CNTN3: variants seen among roughly 807,000 people sequenced by gnomAD.
CNTN3 encodes the protein contactin 3, also known as contactin-3.
CNTN3 carries 60 observed loss-of-function variants against 119.1 expected under a neutral mutation model. The ratio of observed to expected loss-of-function variants is 0.50; its 90% CI spans 0.41 to 0.62. The LOEUF (loss-of-function observed/expected upper bound fraction) is 0.62, where lower values mean the gene tolerates loss of function less well. Ranked by LOEUF, CNTN3 falls within the 20% of genes least tolerant of loss-of-function variation. The pLI, the probability that CNTN3 is intolerant of heterozygous loss-of-function variation, is 0.00. For synonymous variants in CNTN3, 450 were observed against 438.7 expected (o/e 1.03, Z -0.32); for missense variants, 1,101 against 1,242.4 (o/e 0.89, Z 1.71).
chr3:74,502,624 T>C (rs903938553), intron 2 of CNTN3, among the ~76,000 whole-genome samples: 1 of 152,182 alleles, frequency 6.6e-6, no homozygotes, highest in Non-Finnish European at 1.5e-5. Context: ...CCAGCCACAC[T>C]GCTCTTGTTC....
intron 4 of CNTN3, among the ~76,000 whole-genome samples, chr3:74,451,142 T>G (rs1289314090): frequency 6.6e-6 from 1 of 152,050 alleles, no homozygotes; most frequent in African/African-American, 2.4e-5. Context: ...AGTGTCAAAG[T>G]GTTCCTATTT....
chr3:74,586,671 A>G (rs1704597972), intron 1 of CNTN3, among the ~76,000 whole-genome samples: 1 of 152,066 alleles, frequency 6.6e-6, no homozygotes, highest in Admixed American at 6.6e-5. Context: ...TGGTTACAGC[A>G]TTCAGTGAAT....
intron 1 of CNTN3, among the ~76,000 whole-genome samples, chr3:74,597,766 A>G (rs553897820): frequency 6.6e-6 from 1 of 152,152 alleles, no homozygotes; most frequent in Admixed American, 6.6e-5. Context: ...GTTTCTGTTT[A>G]TTGTTCTTAA....
At chr3:74,547,197 A>G (rs1703927954) in intron 1 of CNTN3, among the ~76,000 whole-genome samples, 1 of 152,244 alleles carries the variant, frequency 6.6e-6, no homozygotes, top group Admixed American at 6.5e-5. Context: ...TCAGTGGTTT[A>G]TAAAATTTAC....
chr3:74,598,949 T>C (rs1159510474), intron 1 of CNTN3, among the ~76,000 whole-genome samples: 1 of 152,046 alleles, frequency 6.6e-6, no homozygotes, highest in African/African-American at 2.4e-5. Flanking sequence ...CATTTAGATG[T>C]AGAGATATTT....
At chr3:74,598,823 T>C (rs1380195956) in intron 1 of CNTN3, among the ~76,000 whole-genome samples, 1 of 152,018 alleles carries the variant, frequency 6.6e-6, no homozygotes, top group Non-Finnish European at 1.5e-5. Flanking sequence ...ATCCAGGTAG[T>C]GTGCTGGGCA....
At chr3:74,308,518 G>A (rs1371189365) in intron 13 of CNTN3, among the ~76,000 whole-genome samples, 1 of 152,174 alleles carries the variant, frequency 6.6e-6, no homozygotes. Context: ...CTTGGTTGAA[G>A]GCACTTCATG....
intron 1 of CNTN3, among the ~76,000 whole-genome samples, chr3:74,587,780 C>T (rs977240128): frequency 1.3e-5 from 2 of 152,080 alleles, no homozygotes; most frequent in South Asian, 4.1e-4. Flanking sequence ...ATTGAATACC[C>T]CTTATTTCCT....
chr3:74,575,899 T>C (rs2106659038), intron 1 of CNTN3, among the ~76,000 whole-genome samples: 1 of 151,880 alleles, frequency 6.6e-6, no homozygotes, highest in Admixed American at 6.6e-5. Flanking sequence ...GTGGGTAAAG[T>C]TTTCAGAGAT....
At chr3:74,532,237 G>T (rs1703703376) in intron 1 of CNTN3, among the ~76,000 whole-genome samples, 2 of 151,726 alleles carry the variant, frequency 1.3e-5, no homozygotes, top group African/African-American at 4.8e-5. Flanking sequence ...GAATGAGAGA[G>T]ATGGGATCAT....
chr3:74,305,451 T>C (rs1178269672), intron 13 of CNTN3, among the ~76,000 whole-genome samples: 1 of 152,178 alleles, frequency 6.6e-6, no homozygotes, highest in Non-Finnish European at 1.5e-5. Flanking sequence ...AAAGACATTT[T>C]TTACAAGAAT....
chr3:74,537,778 G>C (rs915262594), intron 1 of CNTN3, among the ~76,000 whole-genome samples: 2 of 152,108 alleles, frequency 1.3e-5, no homozygotes, highest in African/African-American at 4.8e-5. Context: ...TAACAGAGAA[G>C]GGAGGATTTC....
intron 3 of CNTN3, among the ~76,000 whole-genome samples, chr3:74,491,376 G>A (rs995536046): frequency 1.3e-5 from 2 of 151,952 alleles, no homozygotes; most frequent in Non-Finnish European, 2.9e-5. Context: ...GATGGCATGT[G>A]CTTGTAGTCC....
intron 2 of CNTN3, among the ~76,000 whole-genome samples, chr3:74,505,308 G>A (rs1485369742): frequency 6.6e-6 from 1 of 151,966 alleles, no homozygotes; most frequent in African/African-American, 2.4e-5. Context: ...CTAGATAAAA[G>A]TCTCTACTCT....
chr3:74,302,586 T>G (rs992875447), intron 14 of CNTN3, 104 bp downstream of exon 14: 2 of 695,034 alleles, frequency 2.9e-6, no homozygotes, highest in African/African-American at 3.5e-5. Flanking sequence ...GAAATCAATA[T>G]TATAACTCGT....
chr3:74,499,705 T>C lies in CNTN3; in HGVS notation c.136A>G (p.Ile46Val), dbSNP rs757501800. Residue 46 changes from isoleucine (I) to valine (V), a missense_variant, in exon 3 of 23, where the codon ATA becomes GTA. By Grantham distance (29) the Ile-to-Val change is conservative. Coordinates refer to ENST00000263665, the MANE Select transcript of CNTN3 (RefSeq NM_020872.3). Reference protein sequence around the residue: ...IFPVGSEDKKITLHCEARGNP... With the variant: ...IFPVGSEDKKVTLHCEARGNP... Reference sequence around the variant, plus strand: ...CCTCTTGCTTCACAATGCAAAGTTATTTTTTTATCTTCTGAACCAACAGGG... The same window carrying C: ...CCTCTTGCTTCACAATGCAAAGTTACTTTTTTATCTTCTGAACCAACAGGG... 2 of 1,611,392 alleles carry C rather than the reference T, an allele frequency of 1.2e-6. No individual in the cohort carries two copies. The highest frequency in any genetic ancestry group is 1.7e-6 in the Non-Finnish European group (2 of 1,178,316).
chr3:74,493,281 G>A (rs1402322678), intron 3 of CNTN3, among the ~76,000 whole-genome samples: 2 of 151,954 alleles, frequency 1.3e-5, no homozygotes, highest in Non-Finnish European at 1.5e-5. Context: ...TGCTAATAAG[G>A]CTAGGCAATA....
Position 74,302,761 on chromosome 3 carries a change from C to T in CNTN3, c.1715G>A (p.Ser572Asn). 1 of 1,613,140 alleles carries T rather than the reference C, an allele frequency of 6.2e-7. No homozygotes were observed. The highest frequency in any genetic ancestry group is 8.5e-7 in the Non-Finnish European group (1 of 1,179,438). ...TTGCACCATACAAACATATTTCCCA[C>T]TGTGTTTCAGCTGAATGTTTCTGAT... ...LMIRNIQLKH[S>N]GKYVCMVQTG... The change falls in exon 14 of 23, where the codon AGT becomes AAT. Residue 572 changes from serine to asparagine, a missense_variant. Coordinates refer to ENST00000263665, the MANE Select transcript of CNTN3 (RefSeq NM_020872.3).
At chr3:74,297,273 C>A (rs1702357937) in intron 18 of CNTN3, among the ~76,000 whole-genome samples, 1 of 151,884 alleles carries the variant, frequency 6.6e-6, no homozygotes, top group East Asian at 1.9e-4. Context: ...CAAGCTGGAA[C>A]GTAGGAAGTG....
Sources: allele counts gnomAD v4.1 joint callset (sites outside exome capture counted in the v4.1 genomes callset), GRCh38; gene constraint gnomAD v4.1.1; transcripts MANE v1.5; gene names NCBI Gene and HGNC (gene_info 2026-07-23, HGNC 2026-07-21).